The following WWOX variants were observed in gnomAD, a reference collection of about 807,000 sequenced individuals.
The protein encoded by WWOX is WW domain containing oxidoreductase, also known as WW domain-containing oxidoreductase.
WWOX carries 69 observed loss-of-function variants against 46.2 expected under a neutral mutation model. The observed-to-expected ratio is 1.49, with a 90% CI of 1.23 to 1.82. WWOX has a LOEUF of 1.82. Among genes scored for constraint, WWOX ranks in the 40% most tolerant of loss-of-function variants. The pLI is 0.00. For synonymous variants in WWOX, 359 were observed against 202.6 expected (o/e 1.77, Z -6.56); for missense variants, 919 against 542.6 (o/e 1.69, Z -6.89).
intron 8 of WWOX, among the ~76,000 whole-genome samples, chr16:78,591,531 G>C (rs187276203): frequency 6.6e-6 from 1 of 152,134 alleles, no homozygotes; most frequent in African/African-American, 2.4e-5. Flanking sequence ...ACTGTGGGGT[G>C]GTAGACAGAT....
At chr16:78,481,724 A>ATGT (rs547026122) in intron 8 of WWOX, among the ~76,000 whole-genome samples, 1 of 136,970 alleles carries the variant, frequency 7.3e-6, no homozygotes, top group South Asian at 2.5e-4. Flanking sequence ...GGGCAAGGGA[A>ATGT]GTGTGTGTGT....
At chr16:78,510,177 G>A (rs1408443701) in intron 8 of WWOX, among the ~76,000 whole-genome samples, 1 of 152,156 alleles carries the variant, frequency 6.6e-6, no homozygotes, top group Non-Finnish European at 1.5e-5. Context: ...AGTGAGTGAT[G>A]TATCAAAATA....
At chr16:78,318,677 G>A (rs2080403463) in intron 5 of WWOX, among the ~76,000 whole-genome samples, 1 of 152,258 alleles carries the variant, frequency 6.6e-6, no homozygotes, top group African/African-American at 2.4e-5. Context: ...TAAATGTTAA[G>A]TGCTTTTAGC....
chr16:78,568,442 A>C (rs1203697516), intron 8 of WWOX, among the ~76,000 whole-genome samples: 2 of 151,012 alleles, frequency 1.3e-5, no homozygotes, highest in Non-Finnish European at 3.0e-5. Context: ...TTATATATTA[A>C]ATTTTTCTTT....
chr16:78,880,712 A>T (rs771537584), intron 8 of WWOX, among the ~76,000 whole-genome samples: 4 of 152,212 alleles, frequency 2.6e-5, no homozygotes, highest in Non-Finnish European at 5.9e-5. Context: ...GAGAGTTCAC[A>T]TAAGTGTGAG....
At chr16:78,897,699 G>C (rs2044734577) in intron 8 of WWOX, 1 of 152,090 alleles carries the variant, frequency 6.6e-6, no homozygotes, top group South Asian at 2.1e-4. Context: ...AAATACCTAG[G>C]TGTGAAATTA....
intron 8 of WWOX, among the ~76,000 whole-genome samples, chr16:78,868,057 C>G (rs893630733): frequency 3.5e-4 from 53 of 152,234 alleles, no homozygotes; most frequent in African/African-American, 1.1e-3. Context: ...AAAATAAATG[C>G]TTATACAAAG....
chr16:79,143,675 A>G (rs146953743), intron 8 of WWOX, among the ~76,000 whole-genome samples: 9 of 152,284 alleles, frequency 5.9e-5, no homozygotes, highest in African/African-American at 2.2e-4. Context: ...TTCACACCCT[A>G]TGTCTTGTGT....
chr16:78,970,530 G>A (rs1175057605), intron 8 of WWOX, among the ~76,000 whole-genome samples: 1 of 152,152 alleles, frequency 6.6e-6, no homozygotes, highest in Non-Finnish European at 1.5e-5. Context: ...TTTGAGCTAG[G>A]CTTTGAACAA....
intron 8 of WWOX, among the ~76,000 whole-genome samples, chr16:78,982,564 A>G (rs1389208682): frequency 6.6e-6 from 1 of 152,196 alleles, no homozygotes; most frequent in African/African-American, 2.4e-5. Flanking sequence ...GGGAGTTATC[A>G]ATTACATGGT....
intron 5 of WWOX, chr16:78,168,467 G>T (rs937710851): frequency 6.7e-6 from 1 of 150,308 alleles, no homozygotes. Context: ...TTCCAGACGA[G>T]CCAAGGGATG....
chr16:78,177,311 G>T (rs372793625), intron 5 of WWOX, among the ~76,000 whole-genome samples: 1 of 152,082 alleles, frequency 6.6e-6, no homozygotes, highest in Non-Finnish European at 1.5e-5. Context: ...CATCTATTAC[G>T]TGCTAGGTGG....
chr16:79,168,659 A>G (rs916681206), intron 8 of WWOX, among the ~76,000 whole-genome samples: 2 of 152,104 alleles, frequency 1.3e-5, no homozygotes, highest in African/African-American at 2.4e-5. Flanking sequence ...ATTTCCAGGT[A>G]CTTTCACCTC....
intron 8 of WWOX, among the ~76,000 whole-genome samples, chr16:78,901,422 C>A (rs755895317): frequency 1.2e-4 from 18 of 152,110 alleles, no homozygotes; most frequent in Non-Finnish European, 1.9e-4. Flanking sequence ...TTTCCCTCTC[C>A]CCACAACCAC....
chr16:78,585,115 C>T (rs564727653), intron 8 of WWOX, among the ~76,000 whole-genome samples: 1 of 152,186 alleles, frequency 6.6e-6, no homozygotes, highest in Non-Finnish European at 1.5e-5. Context: ...AATTCTTTAG[C>T]CATGTCCGTG....
At chr16:78,910,267 C>T (rs2045074608) in intron 8 of WWOX, among the ~76,000 whole-genome samples, 1 of 150,208 alleles carries the variant, frequency 6.7e-6, no homozygotes, top group Admixed American at 6.6e-5. Context: ...CCTGCTTTCT[C>T]CTGACATCAT....
intron 8 of WWOX, among the ~76,000 whole-genome samples, chr16:78,530,132 A>G (rs1241988713): frequency 6.6e-6 from 1 of 152,206 alleles, no homozygotes; most frequent in Non-Finnish European, 1.5e-5. Flanking sequence ...GGGCACTGGC[A>G]GGAATGAACT....
At chr16:78,594,141 A>G (rs909384323) in intron 8 of WWOX, among the ~76,000 whole-genome samples, 3 of 152,038 alleles carry the variant, frequency 2.0e-5, no homozygotes, top group Non-Finnish European at 4.4e-5. Context: ...TGGCTTATTA[A>G]TGCCCATCCT....
chr16:78,784,987 G>C (rs1421441339), intron 8 of WWOX, among the ~76,000 whole-genome samples: 3 of 152,218 alleles, frequency 2.0e-5, no homozygotes, highest in Non-Finnish European at 4.4e-5. Context: ...GGAGCAGCCA[G>C]AGGAACATGA....
Sources: allele counts gnomAD v4.1 joint callset (sites outside exome capture counted in the v4.1 genomes callset), GRCh38; gene constraint gnomAD v4.1.1; transcripts MANE v1.5; gene names NCBI Gene and HGNC (gene_info 2026-07-23, HGNC 2026-07-21).